The following RNF32 variants were observed in gnomAD, a reference collection of about 807,000 sequenced individuals.
RNF32 encodes the protein ring finger protein 32.
RNF32 carries 36 observed loss-of-function variants against 41.0 expected under a neutral mutation model. The observed-to-expected ratio is 0.88, with a 90% confidence interval of 0.67 to 1.16. RNF32 has a LOEUF of 1.16. RNF32 is among the 50% of genes most tolerant of loss of function. RNF32 has a pLI of 0.00. For missense variants in RNF32, 413 were observed against 436.7 expected, an observed-to-expected ratio of 0.95 and a Z score of 0.48; for synonymous variants, 154 against 160.9, an observed-to-expected ratio of 0.96 and a Z score of 0.32.
At chr7:156,656,868 G>A (rs1036590236) in intron 4 of RNF32, among the ~76,000 whole-genome samples, 8 of 152,346 alleles carry the variant, frequency 5.3e-5, no homozygotes, top group Admixed American at 4.6e-4. Flanking sequence ...GTGGCAGCCC[G>A]CAGGGCCTGG....
chr7:156,653,621 A>C (rs534615986), intron 3 of RNF32, among the ~76,000 whole-genome samples: 4 of 151,602 alleles, frequency 2.6e-5, no homozygotes, highest in Non-Finnish European at 5.9e-5. Context: ...TTATGCATTG[A>C]CCCGTCTTTG....
chr7:156,665,132 A>G (rs1441653607), intron 7 of RNF32, among the ~76,000 whole-genome samples: 1 of 152,224 alleles, frequency 6.6e-6, no homozygotes, highest in Non-Finnish European at 1.5e-5. Flanking sequence ...TGTACTAAAT[A>G]AGGACCAGCT....
Position 156,669,893 on chromosome 7 carries a change from G to A in RNF32, c.685-5803G>A, listed in dbSNP as rs190998672. ...ACTCTGTTCCAGGTGACAGGAGGGC[G>A]GGCGGTCATGGCCTAGTGCCATGAA... On this transcript the variant is annotated intron_variant, in intron 7 of 8. Transcript: ENST00000317955. The surrounding 1 kb of genome is among the most constrained non-coding windows in gnomAD (Gnocchi z 4.2). 1.3e-4 allele frequency among the ~76,000 whole-genome samples: 20 copies of A among 152,266 alleles called. No homozygotes were observed. The highest frequency in any genetic ancestry group is 9.2e-4 in the Admixed American group (14 of 15,298).
intron 6 of RNF32, 71 bp downstream of exon 6, chr7:156,658,323 A>G (rs1800049513): frequency 6.3e-7 from 1 of 1,592,264 alleles, no homozygotes. Context: ...TGTTTTTTGA[A>G]TAGTGGGATT....
At chr7:156,654,864 T>A in intron 4 of RNF32, 146 bp downstream of exon 4, 1 of 691,282 alleles carries the variant, frequency 1.4e-6, no homozygotes, top group Non-Finnish European at 2.4e-6. Context: ...TGTTTTCCAT[T>A]AATTAAAGTG....
In RNF32 at chr7:156,669,541, G is replaced by A. The variant is rs889246439; in HGVS notation, c.685-6155G>A. On this transcript the variant is annotated intron_variant, in intron 7 of 8. Transcript: ENST00000317955. This position sits in a 1 kb window ranked among gnomAD's most constrained non-coding sequence, Gnocchi z 4.2. ...CAGGCTGGCAGAGTGTGAGCCGCTG[G>A]GCACAGGTGACCCTTCCAGGACCCA... Among the ~76,000 whole-genome samples the A allele has an allele frequency of 2.0e-5, 3 of 152,156 alleles. No homozygotes were observed. Among genetic ancestry groups the A allele is most frequent in the Non-Finnish European group, 2.9e-5 (2 of 68,028 alleles).
intron 4 of RNF32, 118 bp downstream of exon 4, chr7:156,654,836 C>A: frequency 1.2e-6 from 1 of 857,328 alleles, no homozygotes; most frequent in Non-Finnish European, 1.8e-6. Context: ...CCTGTGTGAG[C>A]CTCACACACT....
At chr7:156,664,330 G>A (rs34432951) in intron 7 of RNF32, among the ~76,000 whole-genome samples, 11,682 of 151,852 alleles carry the variant, frequency 0.077, 575 homozygotes, top group East Asian at 0.26. Context: ...GCGTGGTGGC[G>A]CACGCCTGTA....
intron 3 of RNF32, among the ~76,000 whole-genome samples, chr7:156,648,705 G>T (rs1380001895): frequency 6.6e-6 from 1 of 152,010 alleles, no homozygotes; most frequent in Non-Finnish European, 1.5e-5. Context: ...GTCTTTTCTT[G>T]CTGATTTACT....
rs59925188 is a variant in RNF32 at position 156,670,327 on chromosome 7, G to C, written c.685-5369G>C. Among the ~76,000 whole-genome samples, 713 of 152,326 alleles carry C rather than the reference G, an allele frequency of 4.7e-3. 3 individuals carry two copies. Among genetic ancestry groups the C allele is most frequent in the Middle Eastern group, 0.024 (7 of 294 alleles). The stretch of plus-strand genomic sequence containing the variant: ...TCAGGCCCTGCCTTCAGCTCACTGA[G>C]GAGTCAGGTCTGCAAGGGGGGCCCT... On this transcript the variant is annotated intron_variant, in intron 7 of 8. Coordinates refer to ENST00000317955, the MANE Select transcript of RNF32 (RefSeq NM_030936.4). The surrounding 1 kb of genome is among the most constrained non-coding windows in gnomAD (Gnocchi z 4.3).
At chr7:156,646,159 C>G (rs922794793) in intron 3 of RNF32, among the ~76,000 whole-genome samples, 1 of 152,192 alleles carries the variant, frequency 6.6e-6, no homozygotes, top group Non-Finnish European at 1.5e-5. Context: ...ATGTATTATG[C>G]ACTTATAATT....
intron 7 of RNF32, among the ~76,000 whole-genome samples, chr7:156,672,903 G>A (rs1416958825): frequency 6.6e-6 from 1 of 152,194 alleles, no homozygotes; most frequent in Non-Finnish European, 1.5e-5. Flanking sequence ...TTCTATGACC[G>A]TGGTTCTTAA....
At position 156,675,820 on chromosome 7, in the gene RNF32, G is replaced by A. The variant is rs1437131236; in HGVS notation, c.809G>A (p.Gly270Asp). 6 of 1,614,072 alleles carry A rather than the reference G, an allele frequency of 3.7e-6. No individual in the cohort carries two copies. Among genetic ancestry groups the A allele is most frequent in the Non-Finnish European group, 5.1e-6 (6 of 1,180,042 alleles). ...SVLQQLEEKC[G>D]HEITEEEWEK... is the part of the protein sequence containing the mutation. ...CTTCAGCAGTTGGAAGAAAAATGTG[G>A]CCATGAGATCACAGAAGAGGAATGG... is the stretch of plus-strand genomic sequence containing the variant. Residue 270 changes from glycine (G) to aspartate (D), a missense_variant, in exon 8 of 9, where the codon GGC (glycine) becomes GAC (aspartate). Gly to Asp is a moderately conservative substitution (Grantham distance 94). Coordinates refer to ENST00000317955, the MANE Select transcript of RNF32 (RefSeq NM_030936.4).
chr7:156,653,176 T>A (rs1162619239), intron 3 of RNF32, among the ~76,000 whole-genome samples: 1 of 152,182 alleles, frequency 6.6e-6, no homozygotes, highest in Admixed American at 6.5e-5. Flanking sequence ...ACACCATTTT[T>A]AATCTTTTAT....
chr7:156,673,837 C>T (rs1803147557), intron 7 of RNF32, among the ~76,000 whole-genome samples: 1 of 151,908 alleles, frequency 6.6e-6, no homozygotes, highest in Non-Finnish European at 1.5e-5. Flanking sequence ...ACTCCATGTC[C>T]TCAAAGGCAC....
rs1308030426 is a variant in RNF32 at position 156,672,798 on chromosome 7, G to A, written c.685-2898G>A. On this transcript the variant is annotated intron_variant, in intron 7 of 8. Coordinates refer to ENST00000317955, the MANE Select transcript of RNF32 (RefSeq NM_030936.4). ...TGGCTTCTGAAAGCGCACGCACAGC[G>A]ATACCCATGCTTGGAGTTGGGAGGT... 2.6e-5 allele frequency among the ~76,000 whole-genome samples: 4 copies of A among 152,230 alleles called. No homozygotes were observed. The East Asian group carries it at 7.7e-4, about 29-fold the overall frequency.
intron 3 of RNF32, chr7:156,646,411 T>C (rs1460443853): frequency 7.7e-7 from 1 of 1,303,452 alleles, no homozygotes; most frequent in African/African-American, 1.5e-5. Context: ...CAAAACCTTC[T>C]TCTCTAGGTG....
chr7:156,643,513 T>C (rs1426705559), intron 1 of RNF32, among the ~76,000 whole-genome samples: 2 of 152,216 alleles, frequency 1.3e-5, no homozygotes, highest in South Asian at 4.1e-4. Flanking sequence ...GTAGTACTTA[T>C]GTATCATGTT....
At chr7:156,651,304 C>T (rs1798700156) in intron 3 of RNF32, among the ~76,000 whole-genome samples, 1 of 151,658 alleles carries the variant, frequency 6.6e-6, no homozygotes, top group Non-Finnish European at 1.5e-5. Flanking sequence ...ACCTCCACCT[C>T]CCGGGTTCAA....
Sources: gnomAD v4.1 joint callset for allele counts (sites outside exome capture counted in the v4.1 genomes callset) on GRCh38, gnomAD v4.1.1 for gene constraint, Gnocchi (gnomAD v3.1) non-coding constraint, MANE v1.5 for transcripts, NCBI Gene and HGNC (gene_info 2026-07-23, HGNC 2026-07-21) for gene names.